DHRS1: variants seen among roughly 807,000 people sequenced by gnomAD.
DHRS1 encodes the protein dehydrogenase/reductase SDR family member 1.
Under a neutral mutation model 35.2 loss-of-function variants are expected in DHRS1, and 34 were observed. The ratio of observed to expected loss-of-function variants is 0.97; its 90% CI spans 0.74 to 1.29. The LOEUF is 1.29. DHRS1 is among the 50% of genes most tolerant of loss of function. The pLI is 0.00. For synonymous variants in DHRS1, 133 were observed against 160.0 expected, an observed-to-expected ratio of 0.83 and a Z score of 1.27; for missense variants, 354 against 403.6, an observed-to-expected ratio of 0.88 and a Z score of 1.05.
intron 2 of DHRS1, among the ~76,000 whole-genome samples, chr14:24,297,598 C>T (rs538923734): frequency 2.0e-5 from 3 of 152,332 alleles, no homozygotes; most frequent in South Asian, 4.1e-4. Flanking sequence ...CCAGCCAGTA[C>T]GACCTATCTA....
At chr14:24,299,239 G>A (rs1042762254) in intron 1 of DHRS1, 109 bp from the exon 2 acceptor site, 4 of 1,078,384 alleles carry the variant, frequency 3.7e-6, no homozygotes, top group Non-Finnish European at 3.9e-6. Flanking sequence ...AGGAGCCAAG[G>A]TAAGAATCCT....
chr14:24,291,734 G>T, intron 6 of DHRS1, 109 bp from the exon 7 acceptor site: 2 of 1,180,418 alleles, frequency 1.7e-6, no homozygotes, highest in South Asian at 1.2e-5. Context: ...GACCAAAGAG[G>T]CCAAAGACCT....
At chr14:24,291,357 CT>C in intron 7 of DHRS1, 138 bp from the exon 8 acceptor site, 2 of 1,114,620 alleles carry the variant, frequency 1.8e-6, no homozygotes, top group Non-Finnish European at 2.7e-6. Flanking sequence ...GGGCCTTGGA[CT>C]TTTTCCACAC....
At chr14:24,299,448 TC>T in intron 1 of DHRS1, 132 bp downstream of exon 1, 1 of 245,392 alleles carries the variant, frequency 4.1e-6, no homozygotes, top group Admixed American at 5.1e-5. Flanking sequence ...CCACGCAGAG[TC>T]CTGGGCTATC....
Position 24,290,699 on chromosome 14 carries a change from C to A in DHRS1, c.*160G>T. The A allele has an allele frequency of 2.4e-6, 2 of 822,942 alleles. No individual in the cohort carries two copies. The highest frequency in any genetic ancestry group is 3.8e-6 in the Non-Finnish European group (2 of 523,232). 51.0% of individuals were successfully genotyped at this position (822,942 alleles called of 1,614,324 possible). Reference sequence around the variant, plus strand: ...GGAAAACCAAGGCACAAAGAAGGGACCTAGGCGCACCCCAGAACTCACCAC... The same window carrying A: ...GGAAAACCAAGGCACAAAGAAGGGAACTAGGCGCACCCCAGAACTCACCAC... On this transcript the variant is annotated 3_prime_UTR_variant, in exon 9 of 9. Coordinates refer to ENST00000288111, the MANE Select transcript of DHRS1 (RefSeq NM_001136050.3).
At chr14:24,292,470 G>T (rs2041177724) in intron 5 of DHRS1, 140 bp from the exon 6 acceptor site, 1 of 1,468,726 alleles carries the variant, frequency 6.8e-7, no homozygotes, top group Non-Finnish European at 9.3e-7. Flanking sequence ...ACGCTCCCCA[G>T]TGTGATGCCT....
intron 1 of DHRS1, 171 bp downstream of exon 1, chr14:24,299,410 T>A: frequency 3.4e-6 from 1 of 292,310 alleles, no homozygotes; most frequent in Non-Finnish European, 6.4e-6. Flanking sequence ...GATATGGGAA[T>A]CTGGCGCGGC....
At chr14:24,293,646 C>T (rs1246513165) in intron 4 of DHRS1, 2 of 151,864 alleles carry the variant, frequency 1.3e-5, no homozygotes, top group Non-Finnish European at 2.9e-5. Context: ...AGACTAATGT[C>T]TTGTGGGTGA....
rs2041173015 is a variant in DHRS1, at chr14:24,292,311, T to C, written c.527A>G (p.Asp176Gly). Residue 176 changes from aspartate (D) to glycine (G), a missense_variant, in exon 6 of 9, where the codon GAC becomes GGC. Coordinates refer to ENST00000288111, the MANE Select transcript of DHRS1 (RefSeq NM_001136050.3). The stretch of plus-strand genomic sequence containing the variant: ...ATGGCGCCGCAGCTCGTGGGCACAG[T>C]CAGCAGCCAGCTTGTCACACTGTGG... Reference protein sequence around the residue: ...GKAACDKLAADCAHELRRHGV... With the variant: ...GKAACDKLAAGCAHELRRHGV... 1 of 1,613,646 alleles carries C rather than the reference T, an allele frequency of 6.2e-7. No homozygotes were observed. Among genetic ancestry groups the C allele is most frequent in the Non-Finnish European group, 8.5e-7 (1 of 1,179,940 alleles).
At chr14:24,293,007 G>A (rs2041189654) in intron 4 of DHRS1, 2 of 530,100 alleles carry the variant, frequency 3.8e-6, no homozygotes, top group South Asian at 2.9e-5. Flanking sequence ...TTTGGAAGAA[G>A]AAATGGAACG....
chr14:24,295,558 C>T (rs947218081), intron 4 of DHRS1, among the ~76,000 whole-genome samples: 6 of 152,130 alleles, frequency 3.9e-5, no homozygotes, highest in African/African-American at 9.7e-5. Context: ...GGCCCAAGGT[C>T]GAGGGTCTGG....
chr14:24,299,241 AAG>A (rs1452504835), intron 1 of DHRS1, 111 bp from the exon 2 acceptor site: 1 of 1,070,002 alleles, frequency 9.3e-7, no homozygotes, highest in Non-Finnish European at 1.3e-6. Flanking sequence ...GAGCCAAGGT[AAG>A]AATCCTTTGA....
chr14:24,298,283 C>T (rs1329472167), intron 2 of DHRS1, among the ~76,000 whole-genome samples: 2 of 152,202 alleles, frequency 1.3e-5, no homozygotes, highest in Admixed American at 6.5e-5. Flanking sequence ...AACTGCTGGC[C>T]TCAAGTGATC....
chr14:24,298,965 C>T lies in DHRS1; in HGVS notation c.142G>A (p.Ala48Thr), dbSNP rs758022297. The T allele has an allele frequency of 6.2e-7, 1 of 1,608,532 alleles. No individual in the cohort carries two copies. The highest frequency in any genetic ancestry group is 8.5e-7 in the Non-Finnish European group (1 of 1,175,586). The change falls in exon 2 of 9, where the codon GCT becomes ACT. Residue 48 changes from alanine to threonine, a missense_variant. Physicochemically the swap from Ala to Thr is moderately conservative, Grantham distance 58. Coordinates refer to ENST00000288111, the MANE Select transcript of DHRS1 (RefSeq NM_001136050.3). ...GRHLDTLRVV[A>T]QEAQSLGGQC... ...CCAGAGGAAGCACTCACCTCCTGAGCAACAACGCGAAGGGTGTCCAGATGG... is the reference window on the plus strand; with the variant it reads ...CCAGAGGAAGCACTCACCTCCTGAGTAACAACGCGAAGGGTGTCCAGATGG...
intron 4 of DHRS1, chr14:24,293,958 A>G (rs2041205637): frequency 6.6e-6 from 1 of 152,276 alleles, no homozygotes; most frequent in South Asian, 2.1e-4. Flanking sequence ...GTGAGAACGC[A>G]ATGTATTACG....
At chr14:24,299,250 T>C in intron 1 of DHRS1, 120 bp from the exon 2 acceptor site, 2 of 975,026 alleles carry the variant, frequency 2.1e-6, no homozygotes, top group Non-Finnish European at 2.9e-6. Context: ...TAAGAATCCT[T>C]TGAGGGGAGA....
intron 4 of DHRS1, among the ~76,000 whole-genome samples, chr14:24,296,225 G>A (rs1259016332): frequency 1.3e-5 from 2 of 152,246 alleles, no homozygotes; most frequent in Non-Finnish European, 1.5e-5. Context: ...CTGAGAGGAG[G>A]AGGCTTCCTC....
chr14:24,298,996 A>C lies in DHRS1; in HGVS notation c.111T>G (p.Thr37=), dbSNP rs768422626. The change falls in exon 2 of 9, where the codon ACT becomes ACG. Residue 37 remains threonine (T), a synonymous_variant. Coordinates refer to ENST00000288111, the MANE Select transcript of DHRS1 (RefSeq NM_001136050.3). ...LCKAGATVYI[T]GRHLDTLRVV... is the part of the protein sequence containing the mutation. ...CGCGAAGGGTGTCCAGATGGCGGCCAGTGATGTAAACTGTGGCGCCTGCTT... is the reference window on the plus strand; with the variant it reads ...CGCGAAGGGTGTCCAGATGGCGGCCCGTGATGTAAACTGTGGCGCCTGCTT... The C allele has an allele frequency of 4.3e-6, 7 of 1,613,438 alleles. No individual in the cohort carries two copies. In the East Asian group the frequency reaches 6.7e-5, roughly 15 times the overall value.
intron 4 of DHRS1, among the ~76,000 whole-genome samples, chr14:24,295,703 C>T (rs1324431919): frequency 6.6e-6 from 1 of 152,204 alleles, no homozygotes; most frequent in African/African-American, 2.4e-5. Flanking sequence ...CCCTTTCTTG[C>T]CTTTGGCCTC....
Sources: allele counts gnomAD v4.1 joint callset (sites outside exome capture counted in the v4.1 genomes callset), GRCh38; gene constraint gnomAD v4.1.1; transcripts MANE v1.5; gene names NCBI Gene and HGNC (gene_info 2026-07-23, HGNC 2026-07-21).